ANKLE2: variants seen among roughly 807,000 people sequenced by gnomAD.
ANKLE2 encodes ankyrin repeat and LEM domain containing 2, also known as ankyrin repeat and LEM domain-containing protein 2.
ANKLE2 carries 55 observed loss-of-function variants against 84.2 expected under a neutral mutation model. The observed-to-expected ratio is 0.65, with a 90% CI of 0.53 to 0.82. ANKLE2 has a LOEUF of 0.82. Ranked by LOEUF, ANKLE2 falls within the 40% of genes least tolerant of loss-of-function variation. ANKLE2 has a pLI of 0.00. For synonymous variants in ANKLE2, 551 were observed against 486.1 expected (o/e 1.13, Z -1.76); for missense variants, 1,238 against 1,201.9 (o/e 1.03, Z -0.44).
At chr12:132,727,599 G>A (rs534650077) in intron 12 of ANKLE2, among the ~76,000 whole-genome samples, 156 bp from the exon 13 acceptor site, 1 of 148,404 alleles carries the variant, frequency 6.7e-6, no homozygotes, top group African/African-American at 2.5e-5. Context: ...CGCCCGGGTG[G>A]AAGAGACGCA....
chr12:132,761,453 C>T (rs1323485337), intron 1 of ANKLE2, 165 bp downstream of exon 1: 1 of 583,662 alleles, frequency 1.7e-6, no homozygotes, highest in Non-Finnish European at 2.5e-6. Flanking sequence ...CGCAACTGCC[C>T]TTTCCGCGGC....
At chr12:132,741,321 G>T in intron 7 of ANKLE2, 98 bp downstream of exon 7, 1 of 1,223,180 alleles carries the variant, frequency 8.2e-7, no homozygotes, top group Non-Finnish European at 1.2e-6. Flanking sequence ...GCACACGCCC[G>T]GGGAGCTCAG....
intron 6 of ANKLE2, chr12:132,742,321 T>G (rs1213956573): frequency 6.3e-6 from 1 of 158,138 alleles, no homozygotes; most frequent in East Asian, 1.9e-4. Context: ...AAGTTTTCTA[T>G]GGCAAGTGGA....
At chr12:132,737,275 T>C in intron 7 of ANKLE2, 1 of 484,556 alleles carries the variant, frequency 2.1e-6, no homozygotes, top group Non-Finnish European at 3.6e-6. Flanking sequence ...CAGAGCTCAC[T>C]TCACTTAACC....
rs1180319889 is a variant in ANKLE2 at position 132,734,374 on chromosome 12, C to T, written c.1891+11G>A. ...CTCCCAGCTGCCACAGCCACGCCTG[C>T]ACATGCTTACCAGACGTGGTGGCTT... On this transcript the variant is annotated intron_variant, in intron 10 of 12. Coordinates refer to ENST00000357997, the MANE Select transcript of ANKLE2 (RefSeq NM_015114.3). The T allele has an allele frequency of 2.5e-6, 4 of 1,613,192 alleles. No homozygotes were observed. Among genetic ancestry groups the T allele is most frequent in the Non-Finnish European group, 3.4e-6 (4 of 1,179,760 alleles).
Position 132,743,184 on chromosome 12 carries a change from T to C in ANKLE2, c.1323A>G (p.Ser441=). ...LSSHHLIVKN[S]RNKYDKTPED... is the part of the protein sequence containing the mutation. ...CAGGTGTTTTATCATATTTATTCCT[T>C]GAGTTTTTTACAATCAAATGGTGTG... is the stretch of plus-strand genomic sequence containing the variant. The change falls in exon 6 of 13, where the codon TCA becomes TCG. Residue 441 remains serine, a synonymous_variant. Transcript: ENST00000357997. The surrounding 1 kb of genome is among the most constrained non-coding windows in gnomAD (Gnocchi z 4.1). The C allele has an allele frequency of 6.2e-7, 1 of 1,611,086 alleles. No individual in the cohort carries two copies. Among genetic ancestry groups the C allele is most frequent in the South Asian group, 1.1e-5 (1 of 90,220 alleles).
chr12:132,761,778 C>T lies in ANKLE2; in HGVS notation c.21G>A (p.Ala7=). Residue 7 remains alanine, a synonymous_variant, in exon 1 of 13, where the codon GCG becomes GCA. Transcript: ENST00000357997. ...AGGCCAGCGCCGCCCACTCGGCCGC[C>T]GCCAGCCGCGGCCACAGCATCGCCG... MLWPRL[A]AAEWAALAWE... is the part of the protein sequence containing the mutation. 8.6e-7 allele frequency: 1 copy of T among 1,156,376 alleles called. No individual in the cohort carries two copies. The highest frequency in any genetic ancestry group is 1.6e-5 in the African/African-American group (1 of 61,230). 71.6% of individuals were successfully genotyped at this position (1,156,376 alleles called of 1,614,324 possible).
intron 7 of ANKLE2, chr12:132,738,779 C>G (rs1476891983): frequency 6.6e-6 from 1 of 152,248 alleles, no homozygotes; most frequent in Admixed American, 6.5e-5. Context: ...CTGCCTCGGC[C>G]TCCCACAGTG....
chr12:132,730,892 G>A (rs1010402374), intron 10 of ANKLE2: 3 of 152,378 alleles, frequency 2.0e-5, no homozygotes, highest in African/African-American at 7.2e-5. Context: ...GGGCAGCCCA[G>A]GTGATGGGCG....
At chr12:132,736,198 C>T (rs1010085619) in intron 8 of ANKLE2, among the ~76,000 whole-genome samples, 4 of 152,226 alleles carry the variant, frequency 2.6e-5, no homozygotes, top group South Asian at 4.1e-4. Flanking sequence ...GATCCACCCG[C>T]CTCGGCCTCC....
chr12:132,747,317 CCTCT>C (rs982149103), intron 5 of ANKLE2, among the ~76,000 whole-genome samples: 1 of 149,822 alleles, frequency 6.7e-6, no homozygotes, highest in Admixed American at 6.6e-5. Flanking sequence ...TGTCAGGCAG[CCTCT>C]CTCTCTCTCC....
chr12:132,733,325 T>G (rs537797409), intron 10 of ANKLE2, among the ~76,000 whole-genome samples: 58 of 100,388 alleles, frequency 5.8e-4, no homozygotes, highest in East Asian at 1.9e-3. Context: ...CGTGTGAAGC[T>G]CTCTGCGTCC....
intron 12 of ANKLE2, 124 bp downstream of exon 12, chr12:132,727,908 C>G (rs1266781464): frequency 3.0e-6 from 4 of 1,352,278 alleles, no homozygotes; most frequent in Non-Finnish European, 4.0e-6. Context: ...AAATCCACAG[C>G]CTGGCTGACG....
chr12:132,726,380 G>A lies in ANKLE2; in HGVS notation c.*862C>T, dbSNP rs1170308438. On this transcript the variant is annotated 3_prime_UTR_variant, in exon 13 of 13. Transcript: ENST00000357997. ...AACTGAAATGAGTTCCAAAATAACG[G>A]ATACCTTTATCGTATAATCATTTAT... 6.6e-6 allele frequency: 1 copy of A among 152,234 alleles called. No individual in the cohort carries two copies. Among genetic ancestry groups the A allele is most frequent in the Admixed American group, 6.5e-5 (1 of 15,268 alleles). 9.4% of individuals were successfully genotyped at this position (152,234 alleles called of 1,614,324 possible). A position where few individuals can be genotyped will look rare whatever the true frequency, so the allele number is the denominator to read the frequency against.
At chr12:132,744,415 C>A (rs1404821190) in intron 5 of ANKLE2, among the ~76,000 whole-genome samples, 2 of 152,168 alleles carry the variant, frequency 1.3e-5, no homozygotes, top group Non-Finnish European at 2.9e-5. Context: ...CATCCCTAAG[C>A]TTCTGCACAG....
chr12:132,740,630 A>T (rs1383908926), intron 7 of ANKLE2, among the ~76,000 whole-genome samples: 1 of 152,104 alleles, frequency 6.6e-6, no homozygotes, highest in Admixed American at 6.6e-5. Context: ...ACTTCGAGCT[A>T]AGATGGCAAA....
intron 6 of ANKLE2, chr12:132,742,074 T>C (rs11147041): frequency 1.3e-5 from 4 of 310,444 alleles, no homozygotes; most frequent in East Asian, 8.9e-5. Flanking sequence ...TGAATGCAAC[T>C]ACATTTTTGA....
intron 10 of ANKLE2, chr12:132,732,224 GAAGTGCTCTGCATC>G (rs2043871786): frequency 9.4e-6 from 1 of 106,212 alleles, no homozygotes; most frequent in African/African-American, 3.7e-5. Context: ...CGCACCGTGT[GAAGTGCTCTGCATC>G]CTGGTGTCTG....
chr12:132,754,143 G>A (rs545380253), intron 2 of ANKLE2, among the ~76,000 whole-genome samples: 2 of 152,306 alleles, frequency 1.3e-5, no homozygotes, highest in South Asian at 4.1e-4. Flanking sequence ...TCAGGAGGCT[G>A]AGGCAGGAGA....
Sources: allele counts gnomAD v4.1 joint callset (sites outside exome capture counted in the v4.1 genomes callset), GRCh38; gene constraint gnomAD v4.1.1; non-coding constraint Gnocchi (gnomAD v3.1); transcripts MANE v1.5; gene names NCBI Gene and HGNC (gene_info 2026-07-23, HGNC 2026-07-21).